Variants in STRA6 observed in about 807,000 individuals in gnomAD.
STRA6 encodes signaling receptor and transporter of retinol STRA6, also known as receptor for retinol uptake STRA6.
A neutral mutation model predicts 83.6 loss-of-function variants in STRA6; 48 were observed. The ratio of observed to expected loss-of-function variants is 0.57; its 90% confidence interval spans 0.46 to 0.73. The LOEUF (loss-of-function observed/expected upper bound fraction) is 0.73. Ranked by LOEUF, STRA6 falls within the 30% of genes least tolerant of loss-of-function variation. The pLI, the probability that STRA6 is intolerant of heterozygous loss-of-function variation, is 0.00. For synonymous variants in STRA6, 353 were observed against 362.3 expected, an observed-to-expected ratio of 0.97 and a Z score of 0.29; for missense variants, 760 against 838.8, an observed-to-expected ratio of 0.91 and a Z score of 1.16.
Position 74,183,967 on chromosome 15 carries a change from G to A in STRA6, c.1189C>T (p.Arg397Ter), listed in dbSNP as rs757882291. The A allele has an allele frequency of 5.0e-6, 8 of 1,613,622 alleles. No individual in the cohort carries two copies. Among genetic ancestry groups the A allele is most frequent in the East Asian group, 2.2e-5 (1 of 44,878 alleles). Residue 397 changes from arginine to a stop codon, truncating the protein, a stop_gained, in exon 14 of 19, where the codon CGA (arginine) becomes TGA (stop). Transcript: ENST00000395105. LOFTEE classifies it high-confidence loss of function. ...THRTNLRALH[R>*]GAALDLSPLH... ...GGACTCAAGTCCAGGGCAGCTCCTC[G>A]GTGCAGAGCTCGAAGGTTGGTCCTG...
At chr15:74,185,144 G>T (rs1345709983) in intron 12 of STRA6, 89 bp from the exon 13 acceptor site, 7 of 1,329,666 alleles carry the variant, frequency 5.3e-6, no homozygotes, top group Admixed American at 3.7e-5. Context: ...GGTGCCTTGT[G>T]GGGAGTTCCC....
At chr15:74,202,119 G>A in intron 2 of STRA6, 36 bp downstream of exon 2, 1 of 1,453,856 alleles carries the variant, frequency 6.9e-7, no homozygotes, top group Non-Finnish European at 9.1e-7. Flanking sequence ...CCATTCTGAT[G>A]GCTGACAGAG....
Position 74,184,993 on chromosome 15 carries a change from G to T in STRA6, c.1153C>A (p.Leu385Met). The change falls in exon 13 of 19, where the codon CTG (leucine) becomes ATG (methionine). Residue 385 changes from leucine (L) to methionine (M), a missense_variant. By Grantham distance (15) the Leu-to-Met change is conservative. Transcript: ENST00000395105. Reference protein sequence around the residue: ...LLTFLVLMRSLVTHRTNLRAL... With the variant: ...LLTFLVLMRSMVTHRTNLRAL... ...TCTGTCACTCACCTGTGTGTCACCA[G>T]TGAGCGCATCAGGACCAGGAAGGTG... is the stretch of plus-strand genomic sequence containing the variant. 1 of 1,613,978 alleles carries T rather than the reference G, an allele frequency of 6.2e-7. No individual in the cohort carries two copies. The highest frequency in any genetic ancestry group is 8.5e-7 in the Non-Finnish European group (1 of 1,179,952).
At chr15:74,182,563 GT>G in intron 14 of STRA6, 103 bp from the exon 15 acceptor site, 1 of 904,092 alleles carries the variant, frequency 1.1e-6, no homozygotes, top group Non-Finnish European at 1.8e-6. Context: ...GGCAGGCCTG[GT>G]TTTAGATCTC....
chr15:74,202,123 G>A, intron 2 of STRA6, 32 bp downstream of exon 2: 1 of 1,456,992 alleles, frequency 6.9e-7, no homozygotes, highest in Non-Finnish European at 9.1e-7. Context: ...TCTGATGGCT[G>A]ACAGAGTGAG....
upstream of STRA6, among the ~76,000 whole-genome samples, chr15:74,204,411 T>C (rs1445083750): frequency 6.6e-6 from 1 of 152,240 alleles, no homozygotes; most frequent in Non-Finnish European, 1.5e-5. Context: ...TACAGGCGGC[T>C]GCTGTGCCCT....
At chr15:74,192,493 A>G (rs1302908931) in intron 8 of STRA6, among the ~76,000 whole-genome samples, 3 of 152,042 alleles carry the variant, frequency 2.0e-5, no homozygotes, top group South Asian at 4.2e-4. Flanking sequence ...CTGCCTAGGG[A>G]TCTCACTCAC....
rs1478029968 is a variant in STRA6 at position 74,182,817 on chromosome 15, A to G, written c.1301-357T>C. ...GGCTACATATTAAACTGATGTTTGC[A>G]TTCCTTCAAGCCAGAGCCTGGCATA... On this transcript the variant is annotated intron_variant, in intron 14 of 18. Coordinates refer to ENST00000395105, the MANE Select transcript of STRA6 (RefSeq NM_022369.4). The G allele has an allele frequency of 1.6e-5, 5 of 314,650 alleles. No homozygotes were observed. In the East Asian group the frequency reaches 3.2e-4, roughly 20 times the overall value. 19.5% of individuals were successfully genotyped at this position (314,650 alleles called of 1,614,324 possible).
chr15:74,191,205 C>T lies in STRA6; in HGVS notation c.827G>A (p.Arg276His), dbSNP rs199724213. Residue 276 changes from arginine to histidine, a missense_variant, in exon 10 of 19, where the codon CGC becomes CAC. Coordinates refer to ENST00000395105, the MANE Select transcript of STRA6 (RefSeq NM_022369.4). Reference sequence around the variant, plus strand: ...GTAGATGCAGTGTCTCAAGCAGACGCGGGCCCAGGACAGGAAGCCATGCTT... The same window carrying T: ...GTAGATGCAGTGTCTCAAGCAGACGTGGGCCCAGGACAGGAAGCCATGCTT... ...TSKHGFLSWA[R>H]VCLRHCIYTP... The T allele has an allele frequency of 2.5e-5, 40 of 1,613,638 alleles. No individual in the cohort carries two copies. Among genetic ancestry groups the T allele is most frequent in the Middle Eastern group, 1.6e-4 (1 of 6,062 alleles).
At chr15:74,205,390 A>C (rs907513031), upstream of STRA6, among the ~76,000 whole-genome samples, 5 of 152,180 alleles carry the variant, frequency 3.3e-5, no homozygotes, top group Non-Finnish European at 7.4e-5. Flanking sequence ...TCGTGATGGA[A>C]GGTGAAGGGG....
At chr15:74,208,915 C>T (rs2074322792) in exon 1 of STRA6, 1 of 990,980 alleles carries the variant, frequency 1.0e-6, no homozygotes, top group Non-Finnish European at 1.2e-6. Context: ...ACGGGGCCTT[C>T]TCCTCTGAGC....
intron 11 of STRA6, 40 bp from the exon 12 acceptor site, chr15:74,189,317 G>C (rs896235497): frequency 1.9e-6 from 3 of 1,559,614 alleles, no homozygotes; most frequent in Non-Finnish European, 2.6e-6. Flanking sequence ...CCCAGGAAAG[G>C]GTTTTCTGTG....
At chr15:74,210,148 A>C (rs1033652804), upstream of STRA6, among the ~76,000 whole-genome samples, 1 of 152,226 alleles carries the variant, frequency 6.6e-6, no homozygotes, top group African/African-American at 2.4e-5. Context: ...TTTTAGTTCC[A>C]AAGGGTTAAA....
chr15:74,189,066 C>T (rs1250353216), intron 12 of STRA6, 49 bp downstream of exon 12: 1 of 1,609,430 alleles, frequency 6.2e-7, no homozygotes, highest in East Asian at 2.2e-5. Flanking sequence ...TTGGGTCTCC[C>T]CGCTTTCATT....
At chr15:74,206,785 C>A (rs2074270625), upstream of STRA6, among the ~76,000 whole-genome samples, 1 of 152,166 alleles carries the variant, frequency 6.6e-6, no homozygotes, top group Non-Finnish European at 1.5e-5. Context: ...GAAGGGAAGT[C>A]TGAGAGACAA....
At chr15:74,209,059 C>CTG (rs2074327000), upstream of STRA6, 1 of 1,209,492 alleles carries the variant, frequency 8.3e-7, no homozygotes, top group Non-Finnish European at 1.0e-6. Context: ...CTCCCCCCTT[C>CTG]TCCAGTCTGG....
intron 12 of STRA6, among the ~76,000 whole-genome samples, chr15:74,186,532 TGA>T (rs1340673807): frequency 1.3e-5 from 2 of 151,028 alleles, no homozygotes; most frequent in Non-Finnish European, 3.0e-5. Flanking sequence ...CACTTGAACC[TGA>T]GAGACGGAGG....
At chr15:74,208,885 G>A (rs1455274212) in exon 1 of STRA6, 2 of 989,258 alleles carry the variant, frequency 2.0e-6, no homozygotes, top group Middle Eastern at 5.1e-4. Flanking sequence ...GTCCCTCCAG[G>A]CAAGCAGGGT....
intron 8 of STRA6, among the ~76,000 whole-genome samples, chr15:74,192,540 C>T (rs1040316668): frequency 3.9e-5 from 6 of 152,130 alleles, no homozygotes; most frequent in African/African-American, 9.7e-5. Context: ...AGTTAACACC[C>T]GGTCCCAGCC....
Sources: gnomAD v4.1 joint callset for allele counts (sites outside exome capture counted in the v4.1 genomes callset) on GRCh38, gnomAD v4.1.1 for gene constraint, MANE v1.5 for transcripts, NCBI Gene and HGNC (gene_info 2026-07-23, HGNC 2026-07-21) for gene names.